The following PDE1C variants were observed in gnomAD, a reference collection of about 807,000 sequenced individuals.
PDE1C encodes the protein dual specificity calcium/calmodulin-dependent 3',5'-cyclic nucleotide phosphodiesterase 1C.
PDE1C carries 62 observed loss-of-function variants against 93.1 expected under a neutral mutation model. That is an observed-to-expected ratio of 0.67 (90% confidence interval 0.54 to 0.82). The LOEUF is 0.82. Ranked by LOEUF, PDE1C falls within the 40% of genes least tolerant of loss-of-function variation. The pLI is 0.00. For synonymous variants in PDE1C, 325 were observed against 310.1 expected (o/e 1.05, Z -0.50); for missense variants, 742 against 884.6 (o/e 0.84, Z 2.04).
chr7:31,878,682 A>G (rs1796891406), intron 4 of PDE1C, among the ~76,000 whole-genome samples: 1 of 152,182 alleles, frequency 6.6e-6, no homozygotes, highest in Non-Finnish European at 1.5e-5. Context: ...TTTCAAATGG[A>G]GACATCATCC....
intron 3 of PDE1C, among the ~76,000 whole-genome samples, chr7:32,132,532 G>A (rs1673269615): frequency 6.6e-6 from 1 of 152,098 alleles, no homozygotes; most frequent in African/African-American, 2.4e-5. Flanking sequence ...CGGGTGTGGT[G>A]GCACATGCCT....
At position 31,949,958 on chromosome 7, in the gene PDE1C, G is replaced by C. The variant is rs750700593; in HGVS notation, c.129-69098C>G. On this transcript the variant is annotated intron_variant, in intron 2 of 17. Coordinates refer to ENST00000396191, the MANE Select transcript of PDE1C (RefSeq NM_001191057.4). ...TTTCTTATTTTCCTGCTTCTTCAAA[G>C]ACCTGCTACAGTGAAGTTTAGAGAC... 7.2e-4 allele frequency among the ~76,000 whole-genome samples: 110 copies of C among 152,022 alleles called. 3 individuals carry two copies. The highest frequency in any genetic ancestry group is 2.1e-4 in the Non-Finnish European group (14 of 67,980).
chr7:31,924,311 A>G (rs1563041202), intron 2 of PDE1C, among the ~76,000 whole-genome samples: 1 of 152,206 alleles, frequency 6.6e-6, no homozygotes, highest in Non-Finnish European at 1.5e-5. Flanking sequence ...TAAATATTTA[A>G]CTATTCTCCC....
chr7:31,708,649 C>T, the PDE1C span, among the ~76,000 whole-genome samples: 4 of 152,258 alleles, frequency 2.6e-5, no homozygotes, highest in South Asian at 2.1e-4. Flanking sequence ...TGTAAAATTC[C>T]GGATTTCCAG....
intron 2 of PDE1C, among the ~76,000 whole-genome samples, chr7:32,022,774 T>G (rs1788859058): frequency 6.6e-6 from 1 of 151,938 alleles, no homozygotes; most frequent in Non-Finnish European, 1.5e-5. Context: ...TGGGAAAGCC[T>G]TCTGCCATCA....
chr7:32,198,228 A>ATTTAAAAT (rs1247206122), intron 2 of PDE1C, among the ~76,000 whole-genome samples: 1 of 152,278 alleles, frequency 6.6e-6, no homozygotes, highest in African/African-American at 2.4e-5. Flanking sequence ...ATTTCTCTCA[A>ATTTAAAAT]TTTAAAATTT....
chr7:31,621,187 G>C, the PDE1C span, among the ~76,000 whole-genome samples: 1 of 152,156 alleles, frequency 6.6e-6, no homozygotes, highest in Non-Finnish European at 1.5e-5. Context: ...CAATCTGCAG[G>C]ATATTATCCA....
chr7:31,943,807 G>A lies in PDE1C; in HGVS notation c.129-62947C>T, dbSNP rs186467591. 1.7e-4 allele frequency among the ~76,000 whole-genome samples: 25 copies of A among 151,058 alleles called. No homozygotes were observed. The East Asian group carries it at 4.0e-3, about 24-fold the overall frequency. On this transcript the variant is annotated intron_variant, in intron 2 of 17. Transcript: ENST00000396191. ...ATACTGGGATCAAAACCAATTAGAG[G>A]AATTTGTTGAATCCCCACCAATGAA...
At chr7:32,212,025 CAAA>C (rs35827566) in intron 1 of PDE1C, among the ~76,000 whole-genome samples, 110 of 81,252 alleles carry the variant, frequency 1.4e-3, no homozygotes, top group African/African-American at 3.7e-3. Context: ...GAACCTATCT[CAAA>C]AAAAAAAAAA....
chr7:32,306,160 C>T (rs1376923743), intron 1 of PDE1C, among the ~76,000 whole-genome samples: 1 of 152,160 alleles, frequency 6.6e-6, no homozygotes, highest in Admixed American at 6.5e-5. Context: ...GTGAGGCCTC[C>T]CCAGCCATGT....
At chr7:32,163,278 A>G (rs56988151) in intron 3 of PDE1C, among the ~76,000 whole-genome samples, 27,741 of 152,148 alleles carry the variant, frequency 0.18, 2,587 homozygotes, top group African/African-American at 0.23. Flanking sequence ...ACCCCACACC[A>G]TGCCATATCA....
chr7:31,658,391 A>G, the PDE1C span: 2 of 1,495,396 alleles, frequency 1.3e-6, no homozygotes, highest in Non-Finnish European at 1.8e-6. Context: ...GGTCTGTTGT[A>G]ATTGTTTTTC....
chr7:32,188,085 C>A (rs1003045055), intron 2 of PDE1C, among the ~76,000 whole-genome samples: 5 of 152,152 alleles, frequency 3.3e-5, no homozygotes, highest in African/African-American at 1.2e-4. Flanking sequence ...ACATATTTCT[C>A]AGCTGTCTTA....
At chr7:31,818,316 T>C (rs1788518343) in intron 14 of PDE1C, among the ~76,000 whole-genome samples, 1 of 152,174 alleles carries the variant, frequency 6.6e-6, no homozygotes, top group African/African-American at 2.4e-5. Context: ...GATGGCATTC[T>C]CAGTAGGATG....
chr7:32,083,642 C>T (rs1214215591), intron 3 of PDE1C, among the ~76,000 whole-genome samples: 1 of 152,240 alleles, frequency 6.6e-6, no homozygotes, highest in African/African-American at 2.4e-5. Flanking sequence ...ATCAGACTAA[C>T]AGCAGATCTC....
At chr7:31,630,242 G>T in the PDE1C span, among the ~76,000 whole-genome samples, 1 of 25,698 alleles carries the variant, frequency 3.9e-5, no homozygotes, top group African/African-American at 1.1e-4. Context: ...GAGTCTACTT[G>T]GCAAAAAAAA....
At chr7:31,734,658 G>A in the PDE1C span, among the ~76,000 whole-genome samples, 6 of 151,980 alleles carry the variant, frequency 3.9e-5, no homozygotes, top group South Asian at 2.1e-4. Context: ...AGCAATTATC[G>A]AAAAAAATCA....
At chr7:32,100,186 G>A (rs1382876816) in intron 3 of PDE1C, among the ~76,000 whole-genome samples, 1 of 152,186 alleles carries the variant, frequency 6.6e-6, no homozygotes, top group Non-Finnish European at 1.5e-5. Flanking sequence ...AAGGAAGGGA[G>A]GGAAGAATGA....
intron 2 of PDE1C, among the ~76,000 whole-genome samples, chr7:32,002,381 G>C (rs1362694346): frequency 1.3e-5 from 2 of 152,174 alleles, no homozygotes; most frequent in Non-Finnish European, 2.9e-5. Flanking sequence ...GCTGATGGCT[G>C]ACAAGATATC....
Sources: allele counts gnomAD v4.1 joint callset (sites outside exome capture counted in the v4.1 genomes callset), GRCh38; gene constraint gnomAD v4.1.1; transcripts MANE v1.5; gene names NCBI Gene and HGNC (gene_info 2026-07-23, HGNC 2026-07-21).